ZMAT4: variants seen among roughly 807,000 people sequenced by gnomAD.
ZMAT4 encodes the protein zinc finger matrin-type protein 4.
ZMAT4 carries 17 observed loss-of-function variants against 28.7 expected under a neutral mutation model. That is an observed-to-expected ratio of 0.59 (90% CI 0.41 to 0.89). The LOEUF is 0.89. ZMAT4 is among the 40% of genes least tolerant of loss of function. The probability of loss-of-function intolerance (pLI) is 0.00; values close to 1 mark genes in which losing one functional copy is unlikely to be tolerated. For missense variants in ZMAT4, 240 were observed against 283.8 expected (o/e 0.85, Z 1.11); for synonymous variants, 117 against 109.2 (o/e 1.07, Z -0.44).
At chr8:40,700,391 G>A (rs1362380035) in intron 3 of ZMAT4, among the ~76,000 whole-genome samples, 1 of 144,232 alleles carries the variant, frequency 6.9e-6, no homozygotes, top group Non-Finnish European at 1.5e-5. Context: ...TCACTTCCTT[G>A]AGGGGAAGCT....
At chr8:40,807,967 G>A (rs1815160718) in intron 2 of ZMAT4, among the ~76,000 whole-genome samples, 1 of 152,158 alleles carries the variant, frequency 6.6e-6, no homozygotes, top group African/African-American at 2.4e-5. Context: ...ACATGGTCTT[G>A]CCTTCCCAGT....
At chr8:40,758,777 G>A (rs760287661) in intron 3 of ZMAT4, among the ~76,000 whole-genome samples, 5 of 152,160 alleles carry the variant, frequency 3.3e-5, no homozygotes, top group East Asian at 1.9e-4. Flanking sequence ...TAGCATAAGC[G>A]TGCAGCAAAG....
intron 3 of ZMAT4, among the ~76,000 whole-genome samples, chr8:40,717,198 T>A (rs893262201): frequency 6.6e-6 from 1 of 152,290 alleles, no homozygotes; most frequent in African/African-American, 2.4e-5. Context: ...AAGTCCCAAT[T>A]TGAAGGACCC....
At chr8:40,585,696 T>G (rs968184396) in intron 5 of ZMAT4, among the ~76,000 whole-genome samples, 1 of 152,178 alleles carries the variant, frequency 6.6e-6, no homozygotes, top group Admixed American at 6.5e-5. Context: ...AGGCTATAAC[T>G]TATCACTACC....
At chr8:40,685,440 G>A (rs550143993) in intron 4 of ZMAT4, among the ~76,000 whole-genome samples, 31 of 152,246 alleles carry the variant, frequency 2.0e-4, no homozygotes, top group Admixed American at 1.2e-3. Context: ...AGCAAATTCA[G>A]TCCCTAGGGG....
rs76455407 is a variant in ZMAT4, at chr8:40,597,370, G to C, written c.578-16109C>G. Reference sequence around the variant, plus strand: ...TGGAGGTGAGAAGAGCAGAAGGAGAGAGACTGGTGTGCAGGCCACTTGCAA... The same window carrying C: ...TGGAGGTGAGAAGAGCAGAAGGAGACAGACTGGTGTGCAGGCCACTTGCAA... On this transcript the variant is annotated intron_variant, in intron 5 of 6. Coordinates refer to ENST00000297737, the MANE Select transcript of ZMAT4 (RefSeq NM_024645.3). Among the ~76,000 whole-genome samples the C allele has an allele frequency of 8.2e-3, 1,252 of 152,254 alleles. 5 individuals carry two copies. The highest frequency in any genetic ancestry group is 0.024 in the Middle Eastern group (7 of 292).
intron 5 of ZMAT4, among the ~76,000 whole-genome samples, chr8:40,613,167 TCTTA>T (rs1805864416): frequency 3.2e-5 from 3 of 92,896 alleles, no homozygotes; most frequent in African/African-American, 4.8e-5. Flanking sequence ...TTTCTTTCTT[TCTTA>T]CTTTCTTTCT....
intron 2 of ZMAT4, among the ~76,000 whole-genome samples, chr8:40,818,673 C>T (rs1295379377): frequency 5.3e-5 from 8 of 152,200 alleles, no homozygotes; most frequent in Non-Finnish European, 1.0e-4. Context: ...GAACACTTCA[C>T]CTGCATTACC....
At chr8:40,566,037 C>A (rs546299782) in intron 6 of ZMAT4, among the ~76,000 whole-genome samples, 2 of 152,100 alleles carry the variant, frequency 1.3e-5, no homozygotes, top group Non-Finnish European at 2.9e-5. Flanking sequence ...GACAAGAAAT[C>A]AATTTATTTA....
intron 5 of ZMAT4, among the ~76,000 whole-genome samples, chr8:40,596,457 T>A (rs1213656445): frequency 6.6e-6 from 1 of 152,254 alleles, no homozygotes; most frequent in Non-Finnish European, 1.5e-5. Context: ...ATTCTTATTC[T>A]ATAAGATTTT....
intron 1 of ZMAT4, among the ~76,000 whole-genome samples, chr8:40,869,366 GTTTTGTTTTGT>G (rs965873201): frequency 1.3e-5 from 2 of 152,106 alleles, no homozygotes; most frequent in Middle Eastern, 3.2e-3. Flanking sequence ...GGGGATTTTT[GTTTTGTTTTGT>G]TTTTGTTTTT....
intron 5 of ZMAT4, among the ~76,000 whole-genome samples, chr8:40,646,748 G>A (rs13271707): frequency 1.3e-5 from 2 of 151,966 alleles, no homozygotes; most frequent in African/African-American, 4.8e-5. Context: ...TCATTCAACT[G>A]TAATAGTTAG....
intron 5 of ZMAT4, among the ~76,000 whole-genome samples, chr8:40,659,448 T>C (rs1393192801): frequency 3.3e-5 from 5 of 152,294 alleles, no homozygotes; most frequent in African/African-American, 1.2e-4. Flanking sequence ...AGCTCTTTGC[T>C]ATGAACATAT....
intron 5 of ZMAT4, among the ~76,000 whole-genome samples, chr8:40,655,326 A>G (rs1807868367): frequency 6.6e-6 from 1 of 152,078 alleles, no homozygotes; most frequent in African/African-American, 2.4e-5. Flanking sequence ...ATGAAAAGTC[A>G]TTTTGTGTTC....
chr8:40,760,273 C>A (rs901465964), intron 3 of ZMAT4, among the ~76,000 whole-genome samples: 20 of 152,164 alleles, frequency 1.3e-4, no homozygotes, highest in African/African-American at 4.1e-4. Flanking sequence ...CCCCCTATTG[C>A]AATAGACTTC....
At chr8:40,537,365 A>G (rs1248321752) in intron 6 of ZMAT4, among the ~76,000 whole-genome samples, 1 of 152,240 alleles carries the variant, frequency 6.6e-6, no homozygotes, top group African/African-American at 2.4e-5. Flanking sequence ...GAATAAAGAA[A>G]TAATTTAAGA....
At chr8:40,574,719 C>T (rs750233558) in intron 6 of ZMAT4, among the ~76,000 whole-genome samples, 4 of 152,160 alleles carry the variant, frequency 2.6e-5, no homozygotes, top group Admixed American at 6.5e-5. Context: ...TTCTCCATCA[C>T]GTTTGACTCA....
chr8:40,560,884 T>G (rs1803715607), intron 6 of ZMAT4, among the ~76,000 whole-genome samples: 1 of 152,158 alleles, frequency 6.6e-6, no homozygotes, highest in Non-Finnish European at 1.5e-5. Flanking sequence ...ACCCTAACCT[T>G]TTCCTCTGTT....
chr8:40,828,179 T>C (rs1342664139), intron 1 of ZMAT4, among the ~76,000 whole-genome samples: 1 of 152,210 alleles, frequency 6.6e-6, no homozygotes, highest in East Asian at 1.9e-4. Context: ...TGTCCCAGAA[T>C]GTAAATGAAG....
Sources: gnomAD v4.1 joint callset for allele counts (sites outside exome capture counted in the v4.1 genomes callset) on GRCh38, gnomAD v4.1.1 for gene constraint, MANE v1.5 for transcripts, NCBI Gene and HGNC (gene_info 2026-07-23, HGNC 2026-07-21) for gene names.